The following TENM2 variants were observed in gnomAD, a reference collection of about 807,000 sequenced individuals.
TENM2 encodes teneurin transmembrane protein 2.
A neutral mutation model predicts 245.2 loss-of-function variants in TENM2; 52 were observed. The observed-to-expected ratio is 0.21, with a 90% CI of 0.17 to 0.27. TENM2 has a LOEUF of 0.27. TENM2 is among the 10% of genes least tolerant of loss of function. The pLI is 1.00. For missense variants in TENM2, 3,046 were observed against 3,666.8 expected (o/e 0.83, Z 4.37); for synonymous variants, 1,363 against 1,438.9 (o/e 0.95, Z 1.19).
chr5:167,249,298 C>T, the TENM2 span, among the ~76,000 whole-genome samples: 1 of 152,140 alleles, frequency 6.6e-6, no homozygotes, highest in African/African-American at 2.4e-5. Context: ...TGGAAGAATT[C>T]AGAAAAGGCT....
At chr5:167,954,618 GC>G (rs1344340569) in intron 4 of TENM2, among the ~76,000 whole-genome samples, 1 of 151,978 alleles carries the variant, frequency 6.6e-6, no homozygotes, top group African/African-American at 2.4e-5. Context: ...CCTCCCCTAG[GC>G]CCCTGCCCCC....
intron 2 of TENM2, among the ~76,000 whole-genome samples, chr5:167,572,876 G>A (rs1774369791): frequency 6.6e-6 from 1 of 152,190 alleles, no homozygotes; most frequent in Non-Finnish European, 1.5e-5. Flanking sequence ...CAATCCTGTT[G>A]TCACATTTGG....
intron 2 of TENM2, among the ~76,000 whole-genome samples, chr5:167,743,012 AC>A: frequency 6.9e-6 from 1 of 144,656 alleles, no homozygotes; most frequent in East Asian, 1.9e-4. Flanking sequence ...AACAACAACA[AC>A]AACAACAAAC....
At chr5:168,212,648 C>T (rs1423608256) in intron 20 of TENM2, among the ~76,000 whole-genome samples, 1 of 152,192 alleles carries the variant, frequency 6.6e-6, no homozygotes, top group Non-Finnish European at 1.5e-5. Context: ...AAAGGCCATG[C>T]ATTGACAAAG....
chr5:167,212,986 C>T, the TENM2 span, among the ~76,000 whole-genome samples: 90 of 152,014 alleles, frequency 5.9e-4, no homozygotes, highest in Non-Finnish European at 1.2e-3. Context: ...GTATATTATG[C>T]GCAAAATTTG....
At chr5:167,872,343 AAAGAAAGAAAGGAAAGAGAAG>A (rs1561880389) in intron 2 of TENM2, among the ~76,000 whole-genome samples, 30 of 137,362 alleles carry the variant, frequency 2.2e-4, no homozygotes, top group African/African-American at 7.6e-4. Context: ...AGAAAGAAAG[AAAGAAAGAAAGGAAAGAGAAG>A]GAAGGAAGGA....
intron 2 of TENM2, among the ~76,000 whole-genome samples, chr5:167,793,086 T>G (rs984156349): frequency 2.6e-5 from 4 of 152,186 alleles, no homozygotes; most frequent in African/African-American, 9.7e-5. Flanking sequence ...AGCCTGTCCT[T>G]GCTAGTAAAG....
chr5:168,025,878 G>A (rs189841550), intron 5 of TENM2, among the ~76,000 whole-genome samples: 31 of 152,268 alleles, frequency 2.0e-4, no homozygotes, highest in African/African-American at 5.1e-4. Context: ...TGGCCAGTGC[G>A]TCCTGAGGTT....
rs373725931 is a variant in TENM2, at chr5:167,761,770, C to A, written c.503-114216C>A. Among the ~76,000 whole-genome samples, 190 of 152,310 alleles carry A rather than the reference C, an allele frequency of 1.2e-3. No individual in the cohort carries two copies. In the South Asian group the frequency reaches 0.038, roughly 30 times the overall value. On this transcript the variant is annotated intron_variant, in intron 2 of 28. Coordinates refer to ENST00000518659, the Ensembl canonical transcript of TENM2. ...GGGAACTGGAATTTCTCACTTCACT[C>A]CCCAAGCTTCTGAGCAGCTGTACAG...
Position 168,261,949 on chromosome 5 carries a change from A to C in TENM2, c.7564-100A>C. 1.2e-5 allele frequency: 14 copies of C among 1,161,958 alleles called. No homozygotes were observed. In the South Asian group the frequency reaches 2.0e-4, roughly 16 times the overall value. 72.0% of individuals were successfully genotyped at this position (1,161,958 alleles called of 1,614,324 possible). A position where few individuals can be genotyped will look rare whatever the true frequency, so the allele number is the denominator to read the frequency against. On this transcript the variant is annotated intron_variant, in intron 28 of 28. Coordinates refer to ENST00000518659, the Ensembl canonical transcript of TENM2. Reference sequence around the variant, plus strand: ...CTCAGATCTGGATAGACCCAACACTAGTTCTTGCAGGAGAGTTCCAAGCCT... The same window carrying C: ...CTCAGATCTGGATAGACCCAACACTCGTTCTTGCAGGAGAGTTCCAAGCCT...
At position 168,247,643 on chromosome 5, in the gene TENM2, T is replaced by C; in HGVS notation, c.6704T>C (p.Leu2235Pro). 1 of 1,613,924 alleles carries C rather than the reference T, an allele frequency of 6.2e-7. No homozygotes were observed. The highest frequency in any genetic ancestry group is 1.3e-5 in the African/African-American group (1 of 75,066). ...GACCTTAATGGGAATCTCCACTTACTGAACCCAGGCAACAGTGTGCGCCTC... is the reference window on the plus strand; with the variant it reads ...GACCTTAATGGGAATCTCCACTTACCGAACCCAGGCAACAGTGTGCGCCTC... Residue 2235 changes from leucine to proline, a missense_variant, in exon 27 of 29, where the codon CTG (leucine) becomes CCG (proline). Physicochemically the swap from Leu to Pro is moderately conservative, Grantham distance 98. Transcript: ENST00000518659. This position sits in a 1 kb window ranked among gnomAD's most constrained non-coding sequence, Gnocchi z 7.8.
chr5:167,284,934 C>G lies in TENM2; in HGVS notation c.97C>G (p.Arg33Gly), dbSNP rs1427933560. The G allele has an allele frequency of 3.2e-6, 5 of 1,551,604 alleles. No individual in the cohort carries two copies. In the African/African-American group the frequency reaches 6.8e-5, roughly 21 times the overall value. ...CTCCTCTCTGGACAGTGAGGACTGC[C>G]GCGTGCCCACACAGAAATCCTACAG... Residue 33 changes from arginine to glycine, a missense_variant, in exon 1 of 29, where the codon CGC becomes GGC. By Grantham distance (125) the Arg-to-Gly change is moderately radical. Coordinates refer to ENST00000518659, the Ensembl canonical transcript of TENM2.
chr5:168,242,997 T>C (rs900267348), intron 25 of TENM2, among the ~76,000 whole-genome samples: 31 of 152,000 alleles, frequency 2.0e-4, no homozygotes, highest in Middle Eastern at 3.4e-3. Context: ...ATCACCACCA[T>C]CACTACCATC....
At chr5:168,259,870 C>A (rs1768027535) in intron 27 of TENM2, among the ~76,000 whole-genome samples, 1 of 152,226 alleles carries the variant, frequency 6.6e-6, no homozygotes, top group African/African-American at 2.4e-5. Context: ...ATGTGCCAGG[C>A]ACTGCGAAAA....
chr5:167,511,757 T>C (rs1469188238), intron 2 of TENM2, among the ~76,000 whole-genome samples: 1 of 152,144 alleles, frequency 6.6e-6, no homozygotes, highest in Non-Finnish European at 1.5e-5. Context: ...ATTAAGTATG[T>C]CAAGGGCATA....
chr5:167,851,024 G>A lies in TENM2; in HGVS notation c.503-24962G>A, dbSNP rs570579010. Among the ~76,000 whole-genome samples the A allele has an allele frequency of 5.9e-5, 9 of 152,250 alleles. No individual in the cohort carries two copies. In the East Asian group the frequency reaches 7.7e-4, roughly 13 times the overall value. ...TCACTAATTATTGCCCTAATCCCAG[G>A]AGATAAATTTCTCCAAGGAACCCAG... On this transcript the variant is annotated intron_variant, in intron 2 of 28. Coordinates refer to ENST00000518659, the Ensembl canonical transcript of TENM2.
intron 12 of TENM2, among the ~76,000 whole-genome samples, chr5:168,147,884 C>T (rs1447418843): frequency 1.3e-5 from 2 of 152,052 alleles, no homozygotes; most frequent in East Asian, 1.9e-4. Flanking sequence ...TCAGCAGAAC[C>T]GGAATAGAAC....
At chr5:167,728,055 C>T (rs1760150056) in intron 2 of TENM2, among the ~76,000 whole-genome samples, 1 of 152,174 alleles carries the variant, frequency 6.6e-6, no homozygotes, top group African/African-American at 2.4e-5. Context: ...AGTTTCAAGC[C>T]TGGGTTACTT....
intron 2 of TENM2, among the ~76,000 whole-genome samples, chr5:167,611,962 A>G (rs111405440): frequency 0.017 from 2,527 of 152,248 alleles, 73 homozygotes; most frequent in African/African-American, 0.058. Context: ...GTCACATTTT[A>G]TATCATGTTC....
Sources: gnomAD v4.1 joint callset for allele counts (sites outside exome capture counted in the v4.1 genomes callset) on GRCh38, gnomAD v4.1.1 for gene constraint, Gnocchi (gnomAD v3.1) non-coding constraint, MANE v1.5 for transcripts, NCBI Gene and HGNC (gene_info 2026-07-23, HGNC 2026-07-21) for gene names.